The following ERC2 variants were observed in gnomAD, a reference collection of about 807,000 sequenced individuals.
The protein encoded by ERC2 is ERC protein 2.
In ERC2, 42 loss-of-function variants were observed where a neutral mutation model predicts 114.8. The observed-to-expected ratio is 0.37, with a 90% CI of 0.29 to 0.47. ERC2 has a LOEUF of 0.47. Ranked by LOEUF, ERC2 falls within the 20% of genes least tolerant of loss-of-function variation. ERC2 has a pLI of 0.99. For synonymous variants in ERC2, 454 were observed against 425.5 expected, an observed-to-expected ratio of 1.07 and a Z score of -0.82; for missense variants, 939 against 1,150.7, an observed-to-expected ratio of 0.82 and a Z score of 2.66.
chr3:55,956,712 C>T (rs777391767), intron 12 of ERC2, among the ~76,000 whole-genome samples: 2 of 152,102 alleles, frequency 1.3e-5, no homozygotes, highest in African/African-American at 2.4e-5. Flanking sequence ...ACTTTTGCAC[C>T]TTGTGGCAGC....
chr3:56,138,052 T>A (rs76763476), intron 6 of ERC2, among the ~76,000 whole-genome samples: 3 of 112,944 alleles, frequency 2.7e-5, no homozygotes, highest in African/African-American at 1.1e-4. Flanking sequence ...ATGGTATTTC[T>A]TTTTTTTTTT....
intron 6 of ERC2, among the ~76,000 whole-genome samples, chr3:56,134,623 T>C (rs1049610014): frequency 1.4e-4 from 22 of 152,196 alleles, no homozygotes; most frequent in African/African-American, 5.3e-4. Context: ...TTGATTATAT[T>C]TTTTAGAAGT....
chr3:56,319,309 T>TA (rs886566598), intron 2 of ERC2, among the ~76,000 whole-genome samples: 132 of 142,556 alleles, frequency 9.3e-4, no homozygotes, highest in Middle Eastern at 3.5e-3. Context: ...TATTCAGCCT[T>TA]AAAAAAAAAA....
At chr3:55,804,768 A>C (rs559327795) in intron 14 of ERC2, among the ~76,000 whole-genome samples, 2 of 152,186 alleles carry the variant, frequency 1.3e-5, no homozygotes, top group South Asian at 4.1e-4. Flanking sequence ...CCCAAAATGA[A>C]ATAGCCACCA....
chr3:56,021,958 T>G (rs533125063), intron 7 of ERC2, among the ~76,000 whole-genome samples: 5 of 152,368 alleles, frequency 3.3e-5, no homozygotes, highest in Non-Finnish European at 7.3e-5. Flanking sequence ...ACATTTTCTT[T>G]ATCCAGTCTG....
intron 3 of ERC2, among the ~76,000 whole-genome samples, chr3:56,194,653 C>A (rs1477320743): frequency 6.6e-6 from 1 of 152,134 alleles, no homozygotes; most frequent in Non-Finnish European, 1.5e-5. Flanking sequence ...GCTACACTGA[C>A]TTTATTTTTT....
intron 17 of ERC2, among the ~76,000 whole-genome samples, chr3:55,594,636 C>T (rs2058050170): frequency 6.6e-6 from 1 of 152,044 alleles, no homozygotes; most frequent in African/African-American, 2.4e-5. Context: ...CATTGTGCCA[C>T]CACACATGGT....
intron 13 of ERC2, among the ~76,000 whole-genome samples, chr3:55,945,544 C>T (rs1363909821): frequency 6.6e-6 from 1 of 152,170 alleles, no homozygotes; most frequent in African/African-American, 2.4e-5. Context: ...ATATGTTTTG[C>T]TGAAAGCTAT....
At chr3:55,996,936 T>C (rs1445789724) in intron 10 of ERC2, among the ~76,000 whole-genome samples, 1 of 152,232 alleles carries the variant, frequency 6.6e-6, no homozygotes, top group Admixed American at 6.5e-5. Context: ...GGTTGTCAAG[T>C]ATCAAAATCA....
chr3:56,226,663 T>C (rs575901659), intron 3 of ERC2, among the ~76,000 whole-genome samples: 1 of 152,196 alleles, frequency 6.6e-6, no homozygotes, highest in South Asian at 2.1e-4. Context: ...GAATGACAAA[T>C]GGGTCTCCAC....
intron 3 of ERC2, among the ~76,000 whole-genome samples, chr3:56,203,952 C>G (rs1279592407): frequency 1.3e-5 from 2 of 152,120 alleles, no homozygotes; most frequent in African/African-American, 4.8e-5. Flanking sequence ...GAGGCCGAGG[C>G]AGGTGAATCA....
At chr3:55,860,659 C>T (rs1344687157) in intron 14 of ERC2, among the ~76,000 whole-genome samples, 3 of 152,078 alleles carry the variant, frequency 2.0e-5, no homozygotes, top group Non-Finnish European at 4.4e-5. Flanking sequence ...TTAAAAAGCT[C>T]GAAAAACTCC....
At chr3:55,824,870 G>A (rs577344294) in intron 14 of ERC2, among the ~76,000 whole-genome samples, 12 of 152,190 alleles carry the variant, frequency 7.9e-5, no homozygotes, top group African/African-American at 1.9e-4. Context: ...CTGCCCAAAC[G>A]TGGTTAGCCG....
chr3:55,716,133 TTC>T (rs1275469318), intron 15 of ERC2, among the ~76,000 whole-genome samples: 2 of 152,208 alleles, frequency 1.3e-5, no homozygotes, highest in African/African-American at 4.8e-5. Context: ...ATCACACTCT[TTC>T]TTAAGAATAC....
At chr3:56,080,765 A>G in intron 7 of ERC2, 52 bp downstream of exon 7, 1 of 1,558,292 alleles carries the variant, frequency 6.4e-7, no homozygotes, top group South Asian at 1.2e-5. Flanking sequence ...TTTTTCTAAA[A>G]TGACAAAACA....
intron 11 of ERC2, among the ~76,000 whole-genome samples, chr3:55,988,255 C>G (rs1225653470): frequency 1.3e-5 from 2 of 152,144 alleles, no homozygotes; most frequent in Non-Finnish European, 1.5e-5. Context: ...AAGACTTCAG[C>G]TGAATTTGGA....
chr3:55,639,977 A>C (rs895267438), intron 17 of ERC2, among the ~76,000 whole-genome samples: 3 of 152,176 alleles, frequency 2.0e-5, no homozygotes, highest in Admixed American at 6.5e-5. Context: ...GCAGATCCAC[A>C]CAGGGCAGGA....
At chr3:55,771,529 C>T (rs1311309399) in intron 14 of ERC2, among the ~76,000 whole-genome samples, 1 of 152,162 alleles carries the variant, frequency 6.6e-6, no homozygotes, top group African/African-American at 2.4e-5. Context: ...ATCTCCAAAT[C>T]CCATGCTCTT....
intron 6 of ERC2, among the ~76,000 whole-genome samples, chr3:56,134,461 G>C (rs1414244074): frequency 6.6e-6 from 1 of 152,138 alleles, no homozygotes; most frequent in Non-Finnish European, 1.5e-5. Flanking sequence ...AGAGAGCAAA[G>C]ATTATTAATG....
Sources: allele counts gnomAD v4.1 joint callset (sites outside exome capture counted in the v4.1 genomes callset), GRCh38; gene constraint gnomAD v4.1.1; transcripts MANE v1.5; gene names NCBI Gene and HGNC (gene_info 2026-07-23, HGNC 2026-07-21).